Variants in STXBP5L observed in about 807,000 individuals in gnomAD.
STXBP5L encodes the protein syntaxin-binding protein 5-like.
A neutral mutation model predicts 144.5 loss-of-function variants in STXBP5L; 65 were observed. The ratio of observed to expected loss-of-function variants is 0.45; its 90% CI spans 0.37 to 0.55. The LOEUF is 0.55. Among genes scored for constraint, STXBP5L ranks in the 20% least tolerant of loss-of-function variants. The pLI is 0.00. For synonymous variants in STXBP5L, 505 were observed against 469.6 expected (o/e 1.08, Z -0.97); for missense variants, 1,298 against 1,405.5 (o/e 0.92, Z 1.22).
At chr3:120,982,563 A>C (rs1000161757) in intron 3 of STXBP5L, among the ~76,000 whole-genome samples, 6 of 152,198 alleles carry the variant, frequency 3.9e-5, no homozygotes. Flanking sequence ...CCACAGTGTA[A>C]CTGAGGGCTG....
chr3:121,340,369 T>A (rs566042021), intron 20 of STXBP5L, among the ~76,000 whole-genome samples: 1 of 152,248 alleles, frequency 6.6e-6, no homozygotes, highest in South Asian at 2.1e-4. Flanking sequence ...CTAGGGTACA[T>A]GTGCACAACA....
At chr3:120,973,777 A>G (rs1259600561) in intron 3 of STXBP5L, among the ~76,000 whole-genome samples, 2 of 149,652 alleles carry the variant, frequency 1.3e-5, no homozygotes, top group Non-Finnish European at 3.0e-5. Context: ...CCCACCTATG[A>G]GTGAGAACAT....
chr3:121,115,769 G>C (rs2044205972), intron 6 of STXBP5L, among the ~76,000 whole-genome samples: 2 of 152,108 alleles, frequency 1.3e-5, no homozygotes, highest in African/African-American at 4.8e-5. Context: ...GGAGGCCTCA[G>C]GAAGCTTACA....
At chr3:121,179,361 CA>C (rs1253911187) in intron 9 of STXBP5L, among the ~76,000 whole-genome samples, 1 of 151,298 alleles carries the variant, frequency 6.6e-6, no homozygotes, top group Non-Finnish European at 1.5e-5. Context: ...TCAAAATAGG[CA>C]AAAATAAACA....
At chr3:121,307,657 A>T (rs1340478247) in intron 19 of STXBP5L, among the ~76,000 whole-genome samples, 1 of 152,148 alleles carries the variant, frequency 6.6e-6, no homozygotes, top group Non-Finnish European at 1.5e-5. Flanking sequence ...ATGAAGAAAA[A>T]TAAAGTCTCA....
chr3:121,276,059 C>A (rs917212808), intron 18 of STXBP5L, among the ~76,000 whole-genome samples: 1 of 151,410 alleles, frequency 6.6e-6, no homozygotes, highest in African/African-American at 2.4e-5. Flanking sequence ...TTCTCTTTGT[C>A]CCCCCACTCC....
intron 5 of STXBP5L, among the ~76,000 whole-genome samples, chr3:121,074,270 A>G (rs1458630590): frequency 6.6e-6 from 1 of 152,180 alleles, no homozygotes; most frequent in African/African-American, 2.4e-5. Flanking sequence ...ACCAAGCAGC[A>G]TCCACAGGAA....
intron 3 of STXBP5L, among the ~76,000 whole-genome samples, chr3:120,981,348 GT>G (rs1283654425): frequency 6.6e-6 from 1 of 151,984 alleles, no homozygotes; most frequent in Admixed American, 6.6e-5. Context: ...AGCTTAGTAA[GT>G]TTAAATAATC....
intron 22 of STXBP5L, among the ~76,000 whole-genome samples, chr3:121,390,861 C>T (rs2046566562): frequency 6.6e-6 from 1 of 152,132 alleles, no homozygotes. Context: ...AATTATGTGT[C>T]TCGGGGTTGC....
intron 3 of STXBP5L, among the ~76,000 whole-genome samples, chr3:121,019,117 C>T (rs9839106): frequency 0.099 from 15,104 of 152,104 alleles, 1,187 homozygotes; most frequent in Admixed American, 0.2. Flanking sequence ...CCCCACTTCC[C>T]GGGTGACCTG....
chr3:121,230,658 T>C (rs1457817518), intron 11 of STXBP5L, among the ~76,000 whole-genome samples: 2 of 152,104 alleles, frequency 1.3e-5, no homozygotes, highest in Non-Finnish European at 2.9e-5. Context: ...ATAAGCCAAT[T>C]TGGTACCATA....
chr3:121,411,969 T>C (rs1299687474), intron 23 of STXBP5L, among the ~76,000 whole-genome samples: 1 of 152,160 alleles, frequency 6.6e-6, no homozygotes, highest in Non-Finnish European at 1.5e-5. Flanking sequence ...GCCCCTGAAA[T>C]TGCTGGCCAC....
intron 9 of STXBP5L, among the ~76,000 whole-genome samples, chr3:121,192,888 G>A (rs1011569724): frequency 6.6e-6 from 1 of 152,020 alleles, no homozygotes; most frequent in African/African-American, 2.4e-5. Context: ...AACCTAGGCA[G>A]TATCATTCAG....
chr3:120,908,599 G>C (rs980992335), intron 1 of STXBP5L, among the ~76,000 whole-genome samples: 2 of 151,466 alleles, frequency 1.3e-5, no homozygotes, highest in Admixed American at 1.3e-4. Flanking sequence ...GGGCGGGCGA[G>C]AGCCCCGCGC....
At chr3:121,082,737 G>T (rs564264124) in intron 5 of STXBP5L, among the ~76,000 whole-genome samples, 12 of 152,104 alleles carry the variant, frequency 7.9e-5, no homozygotes, top group Non-Finnish European at 1.8e-4. Context: ...TTTGAATTTT[G>T]TCAAATACTA....
At chr3:121,017,501 A>G (rs1318594169) in intron 3 of STXBP5L, among the ~76,000 whole-genome samples, 3 of 152,202 alleles carry the variant, frequency 2.0e-5, no homozygotes, top group Non-Finnish European at 4.4e-5. Context: ...AAATAACACT[A>G]TCTTTGTTTG....
chr3:121,114,881 A>C (rs2044163958), intron 5 of STXBP5L, 44 bp from the exon 6 acceptor site: 2 of 1,348,722 alleles, frequency 1.5e-6, no homozygotes, highest in Non-Finnish European at 2.0e-6. Flanking sequence ...ATGCTGACCA[A>C]ATGTAAAATT....
At chr3:121,301,383 G>A (rs2051898236) in intron 19 of STXBP5L, among the ~76,000 whole-genome samples, 1 of 152,064 alleles carries the variant, frequency 6.6e-6, no homozygotes, top group African/African-American at 2.4e-5. Flanking sequence ...TGTGATTTTT[G>A]CACGTTGATT....
At chr3:121,105,064 CA>C (rs1444490811) in intron 5 of STXBP5L, among the ~76,000 whole-genome samples, 1 of 152,130 alleles carries the variant, frequency 6.6e-6, no homozygotes, top group African/African-American at 2.4e-5. Context: ...ATAATCCCAT[CA>C]AAAAGTGGGC....
Sources: gnomAD v4.1 joint callset for allele counts (sites outside exome capture counted in the v4.1 genomes callset) on GRCh38, gnomAD v4.1.1 for gene constraint, MANE v1.5 for transcripts, NCBI Gene and HGNC (gene_info 2026-07-23, HGNC 2026-07-21) for gene names.